The following DHX9 variants were observed in gnomAD, a reference collection of about 807,000 sequenced individuals.
DHX9 encodes DExH-box helicase 9, also known as ATP-dependent RNA helicase A.
Under a neutral mutation model 148.7 loss-of-function variants are expected in DHX9, and 27 were observed. That is an observed-to-expected ratio of 0.18 (90% confidence interval 0.13 to 0.25). The LOEUF is 0.25. Among genes scored for constraint, DHX9 ranks in the 10% least tolerant of loss-of-function variants. The probability of loss-of-function intolerance (pLI) is 1.00; values close to 1 mark genes in which losing one functional copy is unlikely to be tolerated. For synonymous variants in DHX9, 529 were observed against 516.6 expected, an observed-to-expected ratio of 1.02 and a Z score of -0.33; for missense variants, 796 against 1,559.6, an observed-to-expected ratio of 0.51 and a Z score of 8.25.
At position 182,858,084 on chromosome 1, in the gene DHX9, A is replaced by G; in HGVS notation, c.674-20A>G. The G allele has an allele frequency of 1.1e-5, 17 of 1,607,356 alleles. No individual in the cohort carries two copies. The highest frequency in any genetic ancestry group is 1.4e-5 in the Non-Finnish European group (16 of 1,177,816). On this transcript the variant is annotated intron_variant, in intron 7 of 27. Coordinates refer to ENST00000367549, the MANE Select transcript of DHX9 (RefSeq NM_001357.5). ...TCAGATGATTTCTTTCTGTCTGATA[A>G]TCCTGACCTTACATTATAGGGATTT... is the stretch of plus-strand genomic sequence containing the variant.
Position 182,866,507 on chromosome 1 carries a change from G to A in DHX9, c.1396G>A (p.Gly466Arg). ...RVAFERGEEP[G>R]KSCGYSVRFE... ...TGCATTTGAAAGAGGAGAAGAGCCT[G>A]GAAAAAGCTGTGGCTACAGCGTTCG... The change falls in exon 13 of 28, where the codon GGA (glycine) becomes AGA (arginine). Residue 466 changes from glycine (G) to arginine (R), a missense_variant. This residue lies in a region of DHX9 where 58 missense variants were observed against 122.8 expected (regional missense o/e 0.47). Transcript: ENST00000367549. 1 of 1,614,156 alleles carries A rather than the reference G, an allele frequency of 6.2e-7. No homozygotes were observed. Among genetic ancestry groups the A allele is most frequent in the Non-Finnish European group, 8.5e-7 (1 of 1,180,002 alleles).
chr1:182,878,790 G>C (rs1648943423), intron 20 of DHX9, among the ~76,000 whole-genome samples: 1 of 152,198 alleles, frequency 6.6e-6, no homozygotes, highest in South Asian at 2.1e-4. Flanking sequence ...CATGTCAGAA[G>C]TCAAAAAGTT....
Position 182,884,631 on chromosome 1 carries a change from T to G in DHX9, c.3279T>G (p.Ser1093=). The G allele has an allele frequency of 6.2e-7, 1 of 1,614,156 alleles. No homozygotes were observed. Among genetic ancestry groups the G allele is most frequent in the Non-Finnish European group, 8.5e-7 (1 of 1,180,014 alleles). The change falls in exon 27 of 28, where the codon TCT becomes TCG. Residue 1093 remains serine (S), a synonymous_variant. Coordinates refer to ENST00000367549, the MANE Select transcript of DHX9 (RefSeq NM_001357.5). The stretch of plus-strand genomic sequence containing the variant: ...ACTTTAGGATTAAACTGCAAATATC[T>G]CATGAAGCTGCTGCCTGTATCACTG... The part of the protein sequence containing the change: ...LVDDWIKLQI[S]HEAAACITGL...
intron 1 of DHX9, among the ~76,000 whole-genome samples, chr1:182,840,174 G>A (rs2102583549): frequency 6.6e-6 from 1 of 152,246 alleles, no homozygotes; most frequent in African/African-American, 2.4e-5. Flanking sequence ...GCCCGGGTGT[G>A]CAGTAGTGGT....
chr1:182,869,359 G>T (rs1254913808), intron 14 of DHX9, among the ~76,000 whole-genome samples: 1 of 152,112 alleles, frequency 6.6e-6, no homozygotes. Context: ...GTCCTGTCTG[G>T]TCTAATCTAG....
chr1:182,867,238 A>G (rs577183144), intron 14 of DHX9, among the ~76,000 whole-genome samples, 195 bp downstream of exon 14: 5 of 152,296 alleles, frequency 3.3e-5, no homozygotes, highest in African/African-American at 1.2e-4. Context: ...CTTTACAGAA[A>G]GCCTTTTGGA....
At chr1:182,882,515 G>A (rs745911900) in intron 24 of DHX9, among the ~76,000 whole-genome samples, 2 of 152,062 alleles carry the variant, frequency 1.3e-5, no homozygotes, top group African/African-American at 4.8e-5. Flanking sequence ...AATACTTTGT[G>A]GTCCTATCAG....
Position 182,887,474 on chromosome 1 carries a change from A to G in DHX9, c.*40A>G. 6.5e-7 allele frequency: 1 copy of G among 1,547,000 alleles called. No homozygotes were observed. Among genetic ancestry groups the G allele is most frequent in the Non-Finnish European group, 8.8e-7 (1 of 1,135,562 alleles). On this transcript the variant is annotated 3_prime_UTR_variant, in exon 28 of 28. Coordinates refer to ENST00000367549, the MANE Select transcript of DHX9 (RefSeq NM_001357.5). ...AGTTCCTGTGTGTAGACAGTAAGGA[A>G]AAAAAGGCATGCTATGTGTTACGTG...
intron 15 of DHX9, among the ~76,000 whole-genome samples, chr1:182,874,603 A>T (rs1315641713): frequency 1.4e-4 from 21 of 152,226 alleles, no homozygotes. Context: ...AATGTTATAC[A>T]CAGAGGATAC....
At chr1:182,860,399 ATCTGG>A in intron 12 of DHX9, 1 of 325,484 alleles carries the variant, frequency 3.1e-6, no homozygotes, top group East Asian at 5.3e-5. Context: ...GATTCTTTTT[ATCTGG>A]GCTAAAGAGT....
chr1:182,879,243 C>CT lies in DHX9; in HGVS notation c.2352-6dup, dbSNP rs1377662082. On this transcript the variant is annotated splice_region_variant and splice_polypyrimidine_tract_variant and intron_variant, in intron 20 of 27. Transcript: ENST00000367549. ...AGGATGGTTATTTTATGCTTATTTT[C>CT]TCTTAGACTTGAAACCCACATGACA... The CT allele has an allele frequency of 6.9e-7, 1 of 1,448,284 alleles. No homozygotes were observed. The allele number at this position is 1,448,284 out of a possible 1,614,324, so 89.7% of individuals were successfully genotyped here. A position where few individuals can be genotyped will look rare whatever the true frequency, so the allele number is the denominator to read the frequency against.
intron 15 of DHX9, 67 bp from the exon 16 acceptor site, chr1:182,874,787 A>C (rs1648688191): frequency 8.0e-7 from 1 of 1,250,162 alleles, no homozygotes; most frequent in African/African-American, 1.5e-5. Context: ...TGAATTAGCA[A>C]ATGAATTTAG....
chr1:182,866,876 GTC>G, intron 13 of DHX9, 83 bp from the exon 14 acceptor site: 1 of 1,005,960 alleles, frequency 9.9e-7, no homozygotes, highest in Non-Finnish European at 1.5e-6. Context: ...TGATGCTGGG[GTC>G]TCTTAGTTGA....
intron 12 of DHX9, 144 bp downstream of exon 12, chr1:182,860,328 A>G (rs1427615987): frequency 5.7e-6 from 4 of 698,536 alleles, no homozygotes; most frequent in Non-Finnish European, 6.6e-6. Context: ...CATAAAAACA[A>G]CGTAGTCTTT....
At chr1:182,851,786 A>G (rs1199426167) in intron 3 of DHX9, among the ~76,000 whole-genome samples, 2 of 152,236 alleles carry the variant, frequency 1.3e-5, no homozygotes, top group East Asian at 3.8e-4. Flanking sequence ...AAAAATATCT[A>G]TTCCGTGATC....
chr1:182,852,493 A>G (rs1668172831), intron 4 of DHX9, 149 bp downstream of exon 4: 2 of 528,486 alleles, frequency 3.8e-6, no homozygotes, highest in Non-Finnish European at 6.6e-6. Context: ...TGCACATATT[A>G]CCAGATCATT....
chr1:182,856,380 A>C (rs1280067673), intron 6 of DHX9, 152 bp from the exon 7 acceptor site: 1 of 627,194 alleles, frequency 1.6e-6, no homozygotes, highest in East Asian at 2.7e-5. Flanking sequence ...TATATACTTC[A>C]TTTGTTCTAG....
rs774016186 is a variant in DHX9, at chr1:182,883,132, T to C, written c.2915-7T>C. ...GATTTTTGTTTTCACTGTGCTCCTC[T>C]TAACAGATTGTTTGTTGACACAAGT... is the stretch of plus-strand genomic sequence containing the variant. On this transcript the variant is annotated splice_polypyrimidine_tract_variant and splice_region_variant and intron_variant, in intron 24 of 27. Coordinates refer to ENST00000367549, the MANE Select transcript of DHX9 (RefSeq NM_001357.5). 1.2e-6 allele frequency: 2 copies of C among 1,608,982 alleles called. No individual in the cohort carries two copies. Among genetic ancestry groups the C allele is most frequent in the East Asian group, 2.2e-5 (1 of 44,840 alleles).
chr1:182,879,560 A>T (rs1006527177), intron 21 of DHX9, 150 bp downstream of exon 21: 15 of 583,552 alleles, frequency 2.6e-5, no homozygotes, highest in Non-Finnish European at 3.9e-5. Context: ...CTTACCTTAG[A>T]TAGTTAGTAT....
Sources: allele counts gnomAD v4.1 joint callset (sites outside exome capture counted in the v4.1 genomes callset), GRCh38; gene constraint gnomAD v4.1.1; regional missense constraint gnomAD v4.1.1; transcripts MANE v1.5; gene names NCBI Gene and HGNC (gene_info 2026-07-23, HGNC 2026-07-21).